NBEA: variants seen among roughly 807,000 people sequenced by gnomAD.
NBEA encodes the protein neurobeachin, also known as lysosomal-trafficking regulator 2.
A neutral mutation model predicts 343.4 loss-of-function variants in NBEA; 44 were observed. The ratio of observed to expected loss-of-function variants is 0.13; its 90% CI spans 0.10 to 0.16. The LOEUF (loss-of-function observed/expected upper bound fraction) is 0.16, where lower values mean the gene tolerates loss of function less well. Ranked by LOEUF, NBEA falls within the 10% of genes least tolerant of loss-of-function variation. The pLI, the probability that NBEA is intolerant of heterozygous loss-of-function variation, is 1.00. For missense variants in NBEA, 2,555 were observed against 3,631.3 expected (o/e 0.70, Z 7.62); for synonymous variants, 1,175 against 1,238.7 (o/e 0.95, Z 1.08).
At chr13:35,079,340 A>T (rs1468824654) in intron 10 of NBEA, among the ~76,000 whole-genome samples, 4 of 152,190 alleles carry the variant, frequency 2.6e-5, no homozygotes, top group African/African-American at 9.7e-5. Flanking sequence ...TTAAAAATGT[A>T]ATGGTTACAA....
intron 44 of NBEA, among the ~76,000 whole-genome samples, chr13:35,565,875 A>G (rs559457222): frequency 6.6e-6 from 1 of 152,168 alleles, no homozygotes; most frequent in Non-Finnish European, 1.5e-5. Flanking sequence ...GTGAAACAAC[A>G]TAAGACAAAA....
At chr13:35,419,851 T>A (rs1023499950) in intron 38 of NBEA, among the ~76,000 whole-genome samples, 1 of 151,958 alleles carries the variant, frequency 6.6e-6, no homozygotes, top group Non-Finnish European at 1.5e-5. Flanking sequence ...AACTCCTCCA[T>A]CAGGTCCCAC....
intron 1 of NBEA, among the ~76,000 whole-genome samples, chr13:34,964,970 A>G (rs538256471): frequency 1.5e-4 from 23 of 152,170 alleles, no homozygotes; most frequent in South Asian, 1.2e-3. Context: ...TGACTTATCT[A>G]GGAAACTAGC....
In NBEA at chr13:35,251,663, C is replaced by G. The variant is rs73489529; in HGVS notation, c.5776+19044C>G. On this transcript the variant is annotated intron_variant, in intron 34 of 58. Transcript: ENST00000379939. ...GAAAAGGATGAGCAGCAGAAAGAGGCGGCTATCATCTCTGCCTATGATATG... is the reference window on the plus strand; with the variant it reads ...GAAAAGGATGAGCAGCAGAAAGAGGGGGCTATCATCTCTGCCTATGATATG... 5.4e-6 allele frequency: 4 copies of G among 745,674 alleles called. No individual in the cohort carries two copies. The Admixed American group carries it at 1.3e-4, about 24-fold the overall frequency. 46.2% of individuals were successfully genotyped at this position (745,674 alleles called of 1,614,324 possible). A position where few individuals can be genotyped will look rare whatever the true frequency, so the allele number is the denominator to read the frequency against.
chr13:35,252,077 A>G (rs528929456), intron 34 of NBEA, among the ~76,000 whole-genome samples: 6 of 152,364 alleles, frequency 3.9e-5, no homozygotes, highest in African/African-American at 1.4e-4. Context: ...TCATACTGCT[A>G]TAAAGAACTG....
chr13:35,022,503 G>T (rs1211783015), intron 1 of NBEA, among the ~76,000 whole-genome samples: 1 of 151,992 alleles, frequency 6.6e-6, no homozygotes, highest in Non-Finnish European at 1.5e-5. Flanking sequence ...TTTCTTAGCT[G>T]GGGTACAGGG....
intron 38 of NBEA, among the ~76,000 whole-genome samples, chr13:35,356,244 G>A (rs559986363): frequency 6.6e-6 from 1 of 152,198 alleles, no homozygotes; most frequent in African/African-American, 2.4e-5. Flanking sequence ...AAACCAAAGT[G>A]TTAGAGCCAG....
intron 35 of NBEA, among the ~76,000 whole-genome samples, chr13:35,293,373 T>C (rs2035919945): frequency 6.6e-6 from 1 of 152,046 alleles, no homozygotes. Flanking sequence ...TTCTGGATTT[T>C]TTTCTGATAT....
chr13:35,173,023 T>G (rs568801562), intron 26 of NBEA, among the ~76,000 whole-genome samples: 1 of 152,148 alleles, frequency 6.6e-6, no homozygotes, highest in Non-Finnish European at 1.5e-5. Flanking sequence ...ACTCTATTAT[T>G]GCCCGAAATG....
At chr13:35,199,400 A>G (rs1354840269) in intron 31 of NBEA, among the ~76,000 whole-genome samples, 2 of 152,288 alleles carry the variant, frequency 1.3e-5, no homozygotes, top group African/African-American at 4.8e-5. Flanking sequence ...AGAATCTATC[A>G]TGGGTCTTAC....
intron 38 of NBEA, among the ~76,000 whole-genome samples, chr13:35,404,174 C>A (rs1861857610): frequency 6.6e-6 from 1 of 152,086 alleles, no homozygotes; most frequent in South Asian, 2.1e-4. Context: ...ACTAGTTCAA[C>A]CATTGTGGAA....
At chr13:35,140,177 ATT>A (rs1270333910) in intron 17 of NBEA, among the ~76,000 whole-genome samples, 2 of 143,692 alleles carry the variant, frequency 1.4e-5, no homozygotes, top group African/African-American at 2.5e-5. Flanking sequence ...TGCCCAGCTA[ATT>A]TTTTTTTTTT....
chr13:35,118,423 C>T lies in NBEA; in HGVS notation c.2192C>T (p.Ser731Leu). 3.1e-6 allele frequency: 5 copies of T among 1,606,906 alleles called. No individual in the cohort carries two copies. Among genetic ancestry groups the T allele is most frequent in the South Asian group, 1.1e-5 (1 of 89,916 alleles). The change falls in exon 16 of 59, where the codon TCG becomes TTG. Residue 731 changes from serine to leucine, a missense_variant. By Grantham distance (145) the Ser-to-Leu change is moderately radical (BLOSUM62 -2). Around this residue, in one of 21 missense-constraint regions of NBEA, gnomAD observed 360 missense variants for 519.1 expected, o/e 0.69. Coordinates refer to ENST00000379939, the MANE Select transcript of NBEA (RefSeq NM_001385012.1). ...DVLQLLVALM[S>L]EHPASMIPAF... ...CTACAGTTACTGGTGGCTTTAATGT[C>T]GGAACACCCAGCCTCAATGATACCA...
intron 38 of NBEA, among the ~76,000 whole-genome samples, chr13:35,399,750 A>G (rs1474532477): frequency 6.6e-6 from 1 of 152,124 alleles, no homozygotes; most frequent in Admixed American, 6.6e-5. Context: ...TCAGCTTTCA[A>G]CATGTCTTCC....
At chr13:35,006,987 T>C (rs2061340317) in intron 1 of NBEA, among the ~76,000 whole-genome samples, 1 of 152,250 alleles carries the variant, frequency 6.6e-6, no homozygotes, top group African/African-American at 2.4e-5. Flanking sequence ...TCGAACAATA[T>C]GTTGCTGCTT....
At chr13:34,957,369 GA>G (rs1189849380) in intron 1 of NBEA, among the ~76,000 whole-genome samples, 1 of 152,146 alleles carries the variant, frequency 6.6e-6, no homozygotes, top group Non-Finnish European at 1.5e-5. Flanking sequence ...CACAGGAAAA[GA>G]AAGACCACGA....
chr13:34,972,060 A>G lies in NBEA; in HGVS notation c.294+28946A>G, dbSNP rs536056270. On this transcript the variant is annotated intron_variant, in intron 1 of 58. Coordinates refer to ENST00000379939, the MANE Select transcript of NBEA (RefSeq NM_001385012.1). ...CAGGGATTCAGTTTCTTCTTGGTTC[A>G]GTCTTGGCAGGGTATATGTGTTCAG... Among the ~76,000 whole-genome samples, 6 of 152,176 alleles carry G rather than the reference A, an allele frequency of 3.9e-5. No homozygotes were observed. The South Asian group carries it at 6.2e-4, about 16-fold the overall frequency.
chr13:35,368,974 A>G (rs1463429680), intron 38 of NBEA, among the ~76,000 whole-genome samples: 2 of 151,728 alleles, frequency 1.3e-5, no homozygotes. Flanking sequence ...AACAAATACA[A>G]CCAAACCATC....
intron 16 of NBEA, among the ~76,000 whole-genome samples, chr13:35,118,843 T>C (rs1439507829): frequency 2.6e-5 from 4 of 151,666 alleles, no homozygotes; most frequent in Non-Finnish European, 5.9e-5. Flanking sequence ...GGAAGGTTCA[T>C]AGAATGGTAA....
Sources: allele counts gnomAD v4.1 joint callset (sites outside exome capture counted in the v4.1 genomes callset), GRCh38; gene constraint gnomAD v4.1.1; regional missense constraint gnomAD v4.1.1; transcripts MANE v1.5; gene names NCBI Gene and HGNC (gene_info 2026-07-23, HGNC 2026-07-21).